GOSR2: variants seen among roughly 807,000 people sequenced by gnomAD.
GOSR2 encodes the protein 27 kDa Golgi SNARE protein.
A neutral mutation model predicts 27.9 loss-of-function variants in GOSR2; 20 were observed. The observed-to-expected ratio is 0.72, with a 90% CI of 0.50 to 1.04. The LOEUF (loss-of-function observed/expected upper bound fraction) is 1.04, where lower values mean the gene tolerates loss of function less well. GOSR2 is among the 50% of genes least tolerant of loss of function. The pLI is 0.00. For missense variants in GOSR2, 261 were observed against 270.5 expected (o/e 0.97, Z 0.25); for synonymous variants, 91 against 98.8 (o/e 0.92, Z 0.47).
chr17:46,938,797 GC>G lies in GOSR2; in HGVS notation c.*39del. On this transcript the variant is annotated 3_prime_UTR_variant, in exon 6 of 6. Coordinates refer to ENST00000640051, the MANE Select transcript of GOSR2 (RefSeq NM_004287.5). The stretch of plus-strand genomic sequence containing the variant: ...TCAGTGGCTGAACAGCATTCCCACA[GC>G]CTGCAAGTGTGTGTGTGTGTGAAAG... 6.2e-7 allele frequency: 1 copy of G among 1,612,916 alleles called. No individual in the cohort carries two copies. Among genetic ancestry groups the G allele is most frequent in the Non-Finnish European group, 8.5e-7 (1 of 1,179,904 alleles).
At chr17:46,951,821 C>A (rs368942176) in intron 6 of GOSR2, among the ~76,000 whole-genome samples, 1 of 152,202 alleles carries the variant, frequency 6.6e-6, no homozygotes, top group Non-Finnish European at 1.5e-5. Flanking sequence ...TCTCTTCCCC[C>A]ACTCTGCCCG....
At position 46,923,201 on chromosome 17, in the gene GOSR2, C is replaced by T. The variant is rs750589437; in HGVS notation, c.9C>T (p.Pro3=). 5.8e-6 allele frequency: 9 copies of T among 1,548,502 alleles called. No individual in the cohort carries two copies. Among genetic ancestry groups the T allele is most frequent in the South Asian group, 1.2e-5 (1 of 83,994 alleles). The change falls in exon 1 of 6, where the codon CCC becomes CCT. Residue 3 remains proline (P), a synonymous_variant. Coordinates refer to ENST00000640051, the MANE Select transcript of GOSR2 (RefSeq NM_004287.5). The part of the protein sequence containing the change: MD[P]LFQQTHKQVH... ...CCTGCGGGGCCGGCGACATGGATCC[C>T]CTGTTCCAGCAAACGCACAAGTGAG... is the stretch of plus-strand genomic sequence containing the variant.
At chr17:46,929,456 T>C (rs1598961987) in intron 1 of GOSR2, 64 bp from the exon 2 acceptor site, 1 of 856,078 alleles carries the variant, frequency 1.2e-6, no homozygotes, top group East Asian at 2.4e-5. Flanking sequence ...AAAAATTGTC[T>C]TTCCTGACTG....
rs1156510799 is a variant in GOSR2 at position 46,966,557 on chromosome 17, C to T, written c.607C>T (p.Gln203Ter). 1 of 696,360 alleles carries T rather than the reference C, an allele frequency of 1.4e-6. No homozygotes were observed. Among genetic ancestry groups the T allele is most frequent in the South Asian group, 1.5e-5 (1 of 66,468 alleles). The allele number at this position is 696,360 out of a possible 1,614,324, so 43.1% of individuals were successfully genotyped here. Residue 203 changes from glutamine to a stop codon, truncating the protein, a stop_gained, in exon 7 of 7, where the codon CAG becomes TAG. Transcript: ENST00000573224. LOFTEE classifies it high-confidence loss of function. Reference sequence around the variant, plus strand: ...AGAGACAAGGTCTCACCATGTTGCCCAGAATGGACCCGAACTCCTGAGCTC... The same window carrying T: ...AGAGACAAGGTCTCACCATGTTGCCTAGAATGGACCCGAACTCCTGAGCTC...
rs867419199 is a variant in GOSR2, at chr17:46,961,262, G to A, written c.584-5272G>A. Reference sequence around the variant, plus strand: ...CTAGTAGAGACTATGAAAGAAGTAAGAGAAGAAACAAATATCTGTAATTTT... The same window carrying A: ...CTAGTAGAGACTATGAAAGAAGTAAAAGAAGAAACAAATATCTGTAATTTT... On this transcript the variant is annotated intron_variant, in intron 6 of 6. Transcript: ENST00000573224. Among the ~76,000 whole-genome samples the A allele has an allele frequency of 5.9e-4, 90 of 152,298 alleles. 1 individual carries two copies. Among genetic ancestry groups the A allele is most frequent in the Admixed American group, 1.7e-3 (26 of 15,290 alleles).
chr17:46,940,843 C>T lies in GOSR2; in HGVS notation c.*2083C>T. 6.9e-7 allele frequency: 1 copy of T among 1,452,624 alleles called. No homozygotes were observed. Among genetic ancestry groups the T allele is most frequent in the Non-Finnish European group, 9.1e-7 (1 of 1,104,404 alleles). 90.0% of individuals were successfully genotyped at this position (1,452,624 alleles called of 1,614,324 possible). A position where few individuals can be genotyped will look rare whatever the true frequency, so the allele number is the denominator to read the frequency against. ...GGCTGGTGGACAGCAGCCAGTGTGT[C>T]TGGACACCCAGGGGCATTGAGACTG... is the stretch of plus-strand genomic sequence containing the variant. On this transcript the variant is annotated 3_prime_UTR_variant, in exon 6 of 6. Coordinates refer to ENST00000640051, the MANE Select transcript of GOSR2 (RefSeq NM_004287.5).
At chr17:46,974,185 G>T (rs575862048) in intron 6 of GOSR2, among the ~76,000 whole-genome samples, 3 of 152,340 alleles carry the variant, frequency 2.0e-5, no homozygotes, top group South Asian at 4.1e-4. Flanking sequence ...GCCCTGAGAC[G>T]CATGGAACCA....
Position 46,939,070 on chromosome 17 carries a change from C to G in GOSR2, c.*310C>G, listed in dbSNP as rs754380153. The G allele has an allele frequency of 2.9e-5, 36 of 1,228,526 alleles. No homozygotes were observed. Among genetic ancestry groups the G allele is most frequent in the Non-Finnish European group, 3.7e-5 (36 of 967,936 alleles). The allele number at this position is 1,228,526 out of a possible 1,614,324, so 76.1% of individuals were successfully genotyped here. On this transcript the variant is annotated 3_prime_UTR_variant, in exon 6 of 6. Coordinates refer to ENST00000640051, the MANE Select transcript of GOSR2 (RefSeq NM_004287.5). ...GGTGGCTTTGTTCACATAGCTGATG[C>G]GTGCCCTGGGAAGGTGTCCACAGTG... is the stretch of plus-strand genomic sequence containing the variant.
chr17:46,948,950 C>G (rs1350336769), intron 6 of GOSR2: 1 of 152,240 alleles, frequency 6.6e-6, no homozygotes, highest in Non-Finnish European at 1.5e-5. Context: ...TAGCTACGAA[C>G]TGAGCACCCA....
intron 6 of GOSR2, among the ~76,000 whole-genome samples, chr17:46,959,440 C>T (rs1464312324): frequency 6.6e-6 from 1 of 152,112 alleles, no homozygotes; most frequent in Non-Finnish European, 1.5e-5. Context: ...TGCCTTAAAT[C>T]GCTTGAGAAA....
chr17:46,938,783 A>G lies in GOSR2; in HGVS notation c.*23A>G, dbSNP rs774052056. 2.6e-5 allele frequency: 42 copies of G among 1,613,490 alleles called. No homozygotes were observed. The highest frequency in any genetic ancestry group is 3.6e-5 in the Non-Finnish European group (42 of 1,179,944). The stretch of plus-strand genomic sequence containing the variant: ...TGAGCCAGCCACGCTCAGTGGCTGA[A>G]CAGCATTCCCACAGCCTGCAAGTGT... On this transcript the variant is annotated 3_prime_UTR_variant, in exon 6 of 6. Transcript: ENST00000640051.
At chr17:46,956,839 G>A (rs780768646) in intron 6 of GOSR2, among the ~76,000 whole-genome samples, 19 of 152,178 alleles carry the variant, frequency 1.2e-4, no homozygotes, top group Admixed American at 7.2e-4. Context: ...CCCGCCCCAA[G>A]ACTAAATCCT....
In GOSR2 at chr17:46,938,991, C is replaced by T; in HGVS notation, c.*231C>T. On this transcript the variant is annotated 3_prime_UTR_variant, in exon 6 of 6. Coordinates refer to ENST00000640051, the MANE Select transcript of GOSR2 (RefSeq NM_004287.5). Reference sequence around the variant, plus strand: ...CGGTGCTTAGGAAATGAAAGAAGTCCCGGGTCTGTCTCTCTCACTCTCGCT... The same window carrying T: ...CGGTGCTTAGGAAATGAAAGAAGTCTCGGGTCTGTCTCTCTCACTCTCGCT... 1 of 1,383,914 alleles carries T rather than the reference C, an allele frequency of 7.2e-7. No homozygotes were observed. Among genetic ancestry groups the T allele is most frequent in the Non-Finnish European group, 9.4e-7 (1 of 1,058,864 alleles). 85.7% of individuals were successfully genotyped at this position (1,383,914 alleles called of 1,614,324 possible).
chr17:46,942,708 G>T (rs919659476), downstream of GOSR2, among the ~76,000 whole-genome samples: 12 of 152,236 alleles, frequency 7.9e-5, no homozygotes, highest in Non-Finnish European at 1.8e-4. Flanking sequence ...TTGCCCCTAG[G>T]GGGCGGCATA....
At chr17:46,953,382 A>G (rs2090501441) in intron 6 of GOSR2, among the ~76,000 whole-genome samples, 1 of 152,092 alleles carries the variant, frequency 6.6e-6, no homozygotes, top group African/African-American at 2.4e-5. Context: ...TGAGCTCATC[A>G]TTTTTTATGG....
At chr17:46,966,654 T>A in exon 7 of GOSR2, 1 of 593,616 alleles carries the variant, frequency 1.7e-6, no homozygotes, top group Non-Finnish European at 3.1e-6. Context: ...GACCTCCAAA[T>A]ACCTTTTGAA....
intron 5 of GOSR2, chr17:46,936,922 C>A: frequency 1.9e-6 from 1 of 532,090 alleles, no homozygotes; most frequent in Non-Finnish European, 2.4e-6. Flanking sequence ...ATGTTGATCT[C>A]ACTTTCCTTG....
chr17:46,934,559 C>T (rs1218633269), intron 4 of GOSR2, among the ~76,000 whole-genome samples: 2 of 152,070 alleles, frequency 1.3e-5, no homozygotes, highest in Non-Finnish European at 2.9e-5. Flanking sequence ...CCTCCTCTAT[C>T]CTTAGTTAAC....
In GOSR2 at chr17:46,938,602, AC is replaced by A. The variant is rs761058653; in HGVS notation, c.482del (p.Thr161IlefsTer18). 1.2e-6 allele frequency: 2 copies of A among 1,612,648 alleles called. No individual in the cohort carries two copies. The highest frequency in any genetic ancestry group is 1.7e-6 in the Non-Finnish European group (2 of 1,178,940). On this transcript the variant is annotated frameshift_variant, in exon 6 of 6. Transcript: ENST00000640051. LOFTEE classifies it high-confidence loss of function. ...TTTCTGTTCTCTTCTGCCCCAGGGGACTCAGAAGAAGATCCTTGACATTGCC... is the reference window on the plus strand; with the variant it reads ...TTTCTGTTCTCTTCTGCCCCAGGGGATCAGAAGAAGATCCTTGACATTGCC... The part of the protein sequence containing the change: ...LRTQRLTLKG[T>X]QKKILDIANM...
Sources: allele counts gnomAD v4.1 joint callset (sites outside exome capture counted in the v4.1 genomes callset), GRCh38; gene constraint gnomAD v4.1.1; transcripts MANE v1.5; gene names NCBI Gene and HGNC (gene_info 2026-07-23, HGNC 2026-07-21).